The following RDX variants were observed in gnomAD, a reference collection of about 807,000 sequenced individuals.
The protein encoded by RDX is radixin.
Under a neutral mutation model 83.7 loss-of-function variants are expected in RDX, and 32 were observed. That is an observed-to-expected ratio of 0.38 (90% CI 0.29 to 0.51). RDX has a LOEUF of 0.51. Among genes scored for constraint, RDX ranks in the 20% least tolerant of loss-of-function variants. The pLI, the probability that RDX is intolerant of heterozygous loss-of-function variation, is 0.87. For missense variants in RDX, 600 were observed against 689.9 expected, an observed-to-expected ratio of 0.87 and a Z score of 1.46; for synonymous variants, 229 against 222.7, an observed-to-expected ratio of 1.03 and a Z score of -0.25.
chr11:110,274,430 G>A (rs182113706), intron 2 of RDX, among the ~76,000 whole-genome samples: 8 of 152,170 alleles, frequency 5.3e-5, no homozygotes, highest in South Asian at 2.1e-4. Context: ...ATAACTGCAC[G>A]ATATTTGTTG....
intron 14 of RDX, among the ~76,000 whole-genome samples, chr11:110,222,285 C>T (rs1395328841): frequency 2.0e-5 from 3 of 152,146 alleles, no homozygotes; most frequent in Non-Finnish European, 4.4e-5. Context: ...ACCTTAACCT[C>T]CTGTAAAGAT....
At chr11:110,289,611 C>G (rs1460557803) in intron 1 of RDX, among the ~76,000 whole-genome samples, 1 of 152,034 alleles carries the variant, frequency 6.6e-6, no homozygotes, top group African/African-American at 2.4e-5. Flanking sequence ...TCCCATTCTC[C>G]CTTTCACTCA....
intron 7 of RDX, among the ~76,000 whole-genome samples, chr11:110,257,203 ATATG>A (rs1170457601): frequency 6.6e-6 from 1 of 151,414 alleles, no homozygotes; most frequent in South Asian, 2.1e-4. Context: ...GATGAATTAT[ATATG>A]TATAATAAAA....
chr11:110,255,348 T>G lies in RDX; in HGVS notation c.736A>C (p.Arg246=). Residue 246 remains arginine (R), a synonymous_variant, in exon 8 of 14, where the codon AGA becomes CGA. Transcript: ENST00000645495. Reference sequence around the variant, plus strand: ...TTTTTGTCATTAAATGAAATATTTCTGATTTCACTCCAGGGAAAACCAATT... The same window carrying G: ...TTTTTGTCATTAAATGAAATATTTCGGATTTCACTCCAGGGAAAACCAATT... ...PKIGFPWSEI[R]NISFNDKKFV... is the part of the protein sequence containing the mutation. 2 of 1,594,452 alleles carry G rather than the reference T, an allele frequency of 1.3e-6. No homozygotes were observed. The highest frequency in any genetic ancestry group is 1.1e-5 in the South Asian group (1 of 90,550).
chr11:110,216,548 T>TG (rs555335268), intron 14 of RDX, among the ~76,000 whole-genome samples: 1 of 150,638 alleles, frequency 6.6e-6, no homozygotes, highest in Non-Finnish European at 1.5e-5. Flanking sequence ...TTTCTTTTTT[T>TG]TTTTTTTTAA....
chr11:110,231,625 A>T lies in RDX; in HGVS notation c.*244T>A. Reference sequence around the variant, plus strand: ...GAAAAAAAAAAGAAAAAGAAAAAAAATGTGAAAAGAGGCAATGGAACACCA... The same window carrying T: ...GAAAAAAAAAAGAAAAAGAAAAAAATTGTGAAAAGAGGCAATGGAACACCA... On this transcript the variant is annotated 3_prime_UTR_variant, in exon 14 of 14. Coordinates refer to ENST00000645495, the MANE Select transcript of RDX (RefSeq NM_002906.4). 1 of 537,302 alleles carries T rather than the reference A, an allele frequency of 1.9e-6. No individual in the cohort carries two copies. The highest frequency in any genetic ancestry group is 3.3e-6 in the Non-Finnish European group (1 of 299,304). 33.3% of individuals were successfully genotyped at this position (537,302 alleles called of 1,614,324 possible).
At chr11:110,239,142 T>A (rs549234743) in intron 10 of RDX, among the ~76,000 whole-genome samples, 3 of 148,646 alleles carry the variant, frequency 2.0e-5, no homozygotes, top group East Asian at 2.0e-4. Context: ...AAAAAAAAAA[T>A]CAGTAGCTAT....
At chr11:110,255,444 T>G in intron 7 of RDX, 59 bp from the exon 8 acceptor site, 1 of 906,960 alleles carries the variant, frequency 1.1e-6, no homozygotes, top group Non-Finnish European at 1.8e-6. Flanking sequence ...AAAATTCCTG[T>G]TTAGGACCTA....
Position 110,231,819 on chromosome 11 carries a change from C to T in RDX, c.*50G>A. On this transcript the variant is annotated 3_prime_UTR_variant, in exon 14 of 14. Transcript: ENST00000645495. ...ATCATATCTGCAAAGGCCTGCTTTT[C>T]TCTGTTGGTGGTTCAGCTTATGAAG... 6.2e-7 allele frequency: 1 copy of T among 1,605,452 alleles called. No individual in the cohort carries two copies. The highest frequency in any genetic ancestry group is 8.5e-7 in the Non-Finnish European group (1 of 1,175,732).
intron 5 of RDX, among the ~76,000 whole-genome samples, chr11:110,258,867 C>CTT (rs11421586): frequency 0.019 from 1,812 of 94,586 alleles, 72 homozygotes; most frequent in African/African-American, 0.029. Flanking sequence ...CAAATACATT[C>CTT]TTTTTTTTTT....
intron 14 of RDX, chr11:110,199,821 G>T: frequency 1.5e-6 from 1 of 651,320 alleles, no homozygotes; most frequent in Admixed American, 2.2e-5. Flanking sequence ...GCCTGTTATT[G>T]TCAAACTGTC....
intron 1 of RDX, among the ~76,000 whole-genome samples, chr11:110,292,162 A>C (rs1327590578): frequency 6.6e-6 from 1 of 152,052 alleles, no homozygotes; most frequent in African/African-American, 2.4e-5. Context: ...GCCTGGTGGC[A>C]TGTGCCTTAA....
At position 110,247,847 on chromosome 11, in the gene RDX, G is replaced by T. The variant is rs1387694287; in HGVS notation, c.960-14C>A. Reference sequence around the variant, plus strand: ...TCTAATTGTGCCCTTAAAAGGAATTGCAATTGCTGTTACAAATTAATACAC... The same window carrying T: ...TCTAATTGTGCCCTTAAAAGGAATTTCAATTGCTGTTACAAATTAATACAC... On this transcript the variant is annotated splice_polypyrimidine_tract_variant and intron_variant, in intron 9 of 13. Coordinates refer to ENST00000645495, the MANE Select transcript of RDX (RefSeq NM_002906.4). The T allele has an allele frequency of 6.5e-7, 1 of 1,548,820 alleles. No individual in the cohort carries two copies. The highest frequency in any genetic ancestry group is 2.2e-4 in the Middle Eastern group (1 of 4,454).
In RDX at chr11:110,289,973, A is replaced by AAAAAAAAAAAAC. The variant is rs1565338372; in HGVS notation, c.-65+6493_-65+6494insGTTTTTTTTTTT. ...GACTGTCTCAAAAAAAAAAAAAAAA[A>AAAAAAAAAAAAC]AAAAAAAAACAAGGGTCCTTACGTT... On this transcript the variant is annotated intron_variant, in intron 1 of 13. Coordinates refer to ENST00000645495, the MANE Select transcript of RDX (RefSeq NM_002906.4). Among the ~76,000 whole-genome samples the AAAAAAAAAAAAC allele has an allele frequency of 1.4e-4, 21 of 148,202 alleles. 1 individual carries two copies. The highest frequency in any genetic ancestry group is 4.9e-4 in the African/African-American group (20 of 40,460).
intron 14 of RDX, among the ~76,000 whole-genome samples, chr11:110,224,311 A>AT (rs1445196655): frequency 6.6e-6 from 1 of 152,180 alleles, no homozygotes; most frequent in African/African-American, 2.4e-5. Flanking sequence ...AAGAAGTCTG[A>AT]TAAACTATTG....
At chr11:110,200,894 T>C (rs1863376156) in intron 14 of RDX, among the ~76,000 whole-genome samples, 1 of 152,170 alleles carries the variant, frequency 6.6e-6, no homozygotes, top group Non-Finnish European at 1.5e-5. Context: ...TGGCACTTTA[T>C]TGTATGACAT....
At chr11:110,290,910 C>T (rs1254255368) in intron 1 of RDX, among the ~76,000 whole-genome samples, 1 of 152,194 alleles carries the variant, frequency 6.6e-6, no homozygotes, top group South Asian at 2.1e-4. Flanking sequence ...CAACACTTTT[C>T]CTTTCATAAT....
In RDX at chr11:110,219,837, G is replaced by A. The variant is rs536247209; in HGVS notation, c.1748+12036C>T. On this transcript the variant is annotated intron_variant, in intron 14 of 15. Coordinates refer to the RDX transcript ENST00000528498. Reference sequence around the variant, plus strand: ...AGAGAGTTAAATATATACATCTGAAGTTCAGGGGAGAATTTGGTTAGAGAT... The same window carrying A: ...AGAGAGTTAAATATATACATCTGAAATTCAGGGGAGAATTTGGTTAGAGAT... Among the ~76,000 whole-genome samples the A allele has an allele frequency of 7.7e-4, 118 of 152,282 alleles. 1 individual carries two copies. Among genetic ancestry groups the A allele is most frequent in the African/African-American group, 2.4e-3 (101 of 41,544 alleles).
intron 2 of RDX, among the ~76,000 whole-genome samples, chr11:110,274,258 AATAATGTTG>A (rs1379885415): frequency 1.3e-5 from 2 of 152,226 alleles, no homozygotes; most frequent in Admixed American, 1.3e-4. Flanking sequence ...AGAAATGGTA[AATAATGTTG>A]CATATACCAC....
Sources: allele counts gnomAD v4.1 joint callset (sites outside exome capture counted in the v4.1 genomes callset), GRCh38; gene constraint gnomAD v4.1.1; transcripts MANE v1.5; gene names NCBI Gene and HGNC (gene_info 2026-07-23, HGNC 2026-07-21).